The following FAM169A variants were observed in gnomAD, a reference collection of about 807,000 sequenced individuals.
FAM169A encodes soluble lamin-associated protein of 75 kDa.
A neutral mutation model predicts 75.7 loss-of-function variants in FAM169A; 24 were observed. The observed-to-expected ratio is 0.32, with a 90% CI of 0.23 to 0.45. FAM169A has a LOEUF of 0.45. Among genes scored for constraint, FAM169A ranks in the 20% least tolerant of loss-of-function variants. The pLI is 1.00. For synonymous variants in FAM169A, 271 were observed against 271.0 expected, an observed-to-expected ratio of 1.00 and a Z score of 0.00; for missense variants, 673 against 784.0, an observed-to-expected ratio of 0.86 and a Z score of 1.69.
intron 5 of FAM169A, among the ~76,000 whole-genome samples, chr5:74,834,046 T>C (rs968856506): frequency 6.6e-6 from 1 of 152,132 alleles, no homozygotes; most frequent in East Asian, 1.9e-4. Context: ...GGCTATGCAT[T>C]TGGGCCACAG....
chr5:74,850,920 T>C (rs1034998328), intron 1 of FAM169A, among the ~76,000 whole-genome samples: 22 of 152,204 alleles, frequency 1.4e-4, no homozygotes, highest in African/African-American at 5.1e-4. Context: ...TTTGCTTTGT[T>C]TTTGTTTGTT....
At chr5:74,864,075 T>C (rs1330906724) in intron 1 of FAM169A, among the ~76,000 whole-genome samples, 1 of 152,216 alleles carries the variant, frequency 6.6e-6, no homozygotes, top group Non-Finnish European at 1.5e-5. Context: ...TTGCCAGGGA[T>C]GGTACACAAT....
chr5:74,798,013 A>T (rs1746367680), intron 10 of FAM169A, among the ~76,000 whole-genome samples: 1 of 152,256 alleles, frequency 6.6e-6, no homozygotes, highest in Non-Finnish European at 1.5e-5. Context: ...TACAGGCCAT[A>T]GTTGGTGGAC....
rs1048340823 is a variant in FAM169A, at chr5:74,799,153, C to T, written c.1103+1727G>A. 80 of 1,036,056 alleles carry T rather than the reference C, an allele frequency of 7.7e-5. No homozygotes were observed. The African/African-American group carries it at 1.2e-3, about 15-fold the overall frequency. The allele number at this position is 1,036,056 out of a possible 1,614,324, so 64.2% of individuals were successfully genotyped here. On this transcript the variant is annotated intron_variant, in intron 10 of 12. Coordinates refer to ENST00000687041, the MANE Select transcript of FAM169A (RefSeq NM_001376049.1). The stretch of plus-strand genomic sequence containing the variant: ...TCACGAACTCAAGGAGCACAATGGA[C>T]ACATCACAGATATTGACTGGGCTCC...
chr5:74,840,223 C>A, intron 2 of FAM169A, 50 bp from the exon 3 acceptor site: 1 of 795,466 alleles, frequency 1.3e-6, no homozygotes. Context: ...TAAGAAAATA[C>A]ATTAAAAAAA....
intron 1 of FAM169A, 198 bp downstream of exon 1, chr5:74,865,967 C>G (rs1032944740): frequency 1.9e-5 from 3 of 156,598 alleles, no homozygotes; most frequent in Admixed American, 6.6e-5. Flanking sequence ...CGCAGACCGC[C>G]GCCAGCTGGA....
rs1445574190 is a variant in FAM169A, at chr5:74,857,384, C to T, written c.-4+8781G>A. Reference sequence around the variant, plus strand: ...TGGGCAACACGGCAAAACCCCGTCTCTACAAAAAATACAAAAAATTACAGG... The same window carrying T: ...TGGGCAACACGGCAAAACCCCGTCTTTACAAAAAATACAAAAAATTACAGG... On this transcript the variant is annotated intron_variant, in intron 1 of 12. Transcript: ENST00000687041. Among the ~76,000 whole-genome samples the T allele has an allele frequency of 2.0e-5, 3 of 151,474 alleles. No homozygotes were observed. The East Asian group carries it at 5.8e-4, about 30-fold the overall frequency.
chr5:74,832,094 T>A (rs542334830), intron 5 of FAM169A, among the ~76,000 whole-genome samples: 152 of 152,058 alleles, frequency 1.0e-3, no homozygotes, highest in African/African-American at 3.4e-3. Context: ...AATTTAAAAA[T>A]TTTTTTTACT....
intron 5 of FAM169A, among the ~76,000 whole-genome samples, chr5:74,822,431 T>C (rs1472954396): frequency 2.0e-5 from 3 of 152,170 alleles, no homozygotes; most frequent in Admixed American, 6.5e-5. Context: ...ACAAATATTT[T>C]ATGGACAGCT....
intron 1 of FAM169A, 72 bp downstream of exon 1, chr5:74,866,093 G>T: frequency 1.3e-6 from 1 of 781,216 alleles, no homozygotes; most frequent in Non-Finnish European, 1.6e-6. Flanking sequence ...GGTGCTGGCG[G>T]GGGCGCGGGG....
chr5:74,784,507 T>A (rs1226937383), intron 11 of FAM169A, among the ~76,000 whole-genome samples: 2 of 50,144 alleles, frequency 4.0e-5, no homozygotes, highest in African/African-American at 3.2e-4. Flanking sequence ...CAAGACTCCG[T>A]CTCAAAAAAA....
chr5:74,789,622 T>C (rs1475558098), intron 11 of FAM169A, among the ~76,000 whole-genome samples: 9 of 152,204 alleles, frequency 5.9e-5, no homozygotes, highest in Admixed American at 5.2e-4. Flanking sequence ...GATCTAATGG[T>C]GCTTGAGGTG....
chr5:74,796,774 T>C (rs1034535589), intron 10 of FAM169A, among the ~76,000 whole-genome samples: 3 of 152,024 alleles, frequency 2.0e-5, no homozygotes, highest in African/African-American at 7.2e-5. Flanking sequence ...AGAATGAGCA[T>C]ATATCCCAGT....
rs898408571 is a variant in FAM169A at position 74,817,597 on chromosome 5, A to G, written c.491-3578T>C. ...AAAAACTTAATATGCTAAGATGTCC[A>G]TATTTCCCAATACAACCTAAAGACT... On this transcript the variant is annotated intron_variant, in intron 5 of 12. Transcript: ENST00000687041. 3.9e-5 allele frequency among the ~76,000 whole-genome samples: 6 copies of G among 152,328 alleles called. No homozygotes were observed. The East Asian group carries it at 1.2e-3, about 29-fold the overall frequency.
chr5:74,816,614 C>A (rs1321198916), intron 5 of FAM169A, among the ~76,000 whole-genome samples: 1 of 152,138 alleles, frequency 6.6e-6, no homozygotes, highest in Non-Finnish European at 1.5e-5. Flanking sequence ...CTGACTCATA[C>A]AAATGCAATC....
chr5:74,853,794 G>A (rs1454877384), intron 1 of FAM169A, among the ~76,000 whole-genome samples: 2 of 138,756 alleles, frequency 1.4e-5, no homozygotes, highest in African/African-American at 2.7e-5. Flanking sequence ...TGCAAGCTCC[G>A]CCTCCCGGGT....
At chr5:74,820,087 T>A (rs1204943504) in intron 5 of FAM169A, among the ~76,000 whole-genome samples, 1 of 149,378 alleles carries the variant, frequency 6.7e-6, no homozygotes, top group Non-Finnish European at 1.5e-5. Context: ...CTCCACCTCC[T>A]GGGTTCAAGC....
At chr5:74,803,065 G>T (rs1444335778) in intron 8 of FAM169A, among the ~76,000 whole-genome samples, 1 of 152,026 alleles carries the variant, frequency 6.6e-6, no homozygotes, top group Non-Finnish European at 1.5e-5. Flanking sequence ...AAACATTAAA[G>T]TAATATGAAG....
At chr5:74,823,901 C>G (rs1146146) in intron 5 of FAM169A, among the ~76,000 whole-genome samples, 16,447 of 152,102 alleles carry the variant, frequency 0.11, 1,012 homozygotes, top group Non-Finnish European at 0.14. Flanking sequence ...AATTTTACAT[C>G]ACAATGTTTG....
Sources: gnomAD v4.1 joint callset for allele counts (sites outside exome capture counted in the v4.1 genomes callset) on GRCh38, gnomAD v4.1.1 for gene constraint, MANE v1.5 for transcripts, NCBI Gene and HGNC (gene_info 2026-07-23, HGNC 2026-07-21) for gene names.